ATP6V0E1: variants seen among roughly 807,000 people sequenced by gnomAD.
ATP6V0E1 encodes ATPase H+ transporting V0 subunit e1.
A neutral mutation model predicts 11.6 loss-of-function variants in ATP6V0E1; 4 were observed. The observed-to-expected ratio is 0.35, with a 90% CI of 0.17 to 0.79. The LOEUF is 0.79. Ranked by LOEUF, ATP6V0E1 falls within the 30% of genes least tolerant of loss-of-function variation. The pLI is 0.54. For missense variants in ATP6V0E1, 105 were observed against 100.0 expected, an observed-to-expected ratio of 1.05 and a Z score of -0.21; for synonymous variants, 36 against 34.8, an observed-to-expected ratio of 1.04 and a Z score of -0.13.
intron 1 of ATP6V0E1, among the ~76,000 whole-genome samples, chr5:172,990,833 TAAAAA>T (rs201409111): frequency 1.5e-5 from 2 of 137,358 alleles, no homozygotes; most frequent in South Asian, 2.3e-4. Context: ...TCTCAAAAAT[TAAAAA>T]AAAAAAAAAA....
At chr5:173,021,403 C>T (rs1371293926) in intron 3 of ATP6V0E1, among the ~76,000 whole-genome samples, 4 of 151,900 alleles carry the variant, frequency 2.6e-5, no homozygotes, top group Non-Finnish European at 5.9e-5. Context: ...TACATGGTAG[C>T]AGCAAGAGAG....
In ATP6V0E1 at chr5:173,034,482, C is replaced by T. The variant is rs1641031443; in HGVS notation, c.*120C>T. On this transcript the variant is annotated 3_prime_UTR_variant, in exon 4 of 4. Transcript: ENST00000519374. Reference sequence around the variant, plus strand: ...TTGACTTGCCTGTTTTGGCCATTAGCTGCCTTAAACGTTAACAGCACATTT... The same window carrying T: ...TTGACTTGCCTGTTTTGGCCATTAGTTGCCTTAAACGTTAACAGCACATTT... 2.8e-6 allele frequency: 2 copies of T among 702,380 alleles called. No homozygotes were observed. The highest frequency in any genetic ancestry group is 3.5e-5 in the African/African-American group (2 of 57,364). 43.5% of individuals were successfully genotyped at this position (702,380 alleles called of 1,614,324 possible). A position where few individuals can be genotyped will look rare whatever the true frequency, so the allele number is the denominator to read the frequency against.
At chr5:173,018,235 G>A (rs566287092) in intron 2 of ATP6V0E1, among the ~76,000 whole-genome samples, 2 of 152,154 alleles carry the variant, frequency 1.3e-5, no homozygotes, top group Non-Finnish European at 2.9e-5. Context: ...AATAAAGGAA[G>A]GTAGAGAAAA....
intron 3 of ATP6V0E1, among the ~76,000 whole-genome samples, chr5:173,027,822 G>GT (rs1307833389): frequency 6.6e-6 from 1 of 152,056 alleles, no homozygotes; most frequent in African/African-American, 2.4e-5. Flanking sequence ...TTCAACTGTA[G>GT]TGAGTGTTAG....
At chr5:173,004,608 C>T (rs557572965) in intron 2 of ATP6V0E1, among the ~76,000 whole-genome samples, 65 of 152,232 alleles carry the variant, frequency 4.3e-4, no homozygotes, top group Non-Finnish European at 8.2e-4. Flanking sequence ...GCGGAGCAGT[C>T]TGGGGATGGG....
chr5:173,008,869 C>T (rs1156988935), intron 2 of ATP6V0E1, among the ~76,000 whole-genome samples: 1 of 143,002 alleles, frequency 7.0e-6, no homozygotes, highest in African/African-American at 2.6e-5. Context: ...AGAGATTGGG[C>T]CACTGCACTC....
chr5:173,030,921 GTATTTATTTATTTATT>G (rs33921331), intron 3 of ATP6V0E1, among the ~76,000 whole-genome samples: 37 of 141,908 alleles, frequency 2.6e-4, no homozygotes, highest in African/African-American at 5.8e-4. Flanking sequence ...GCTAATTTTT[GTATTTATTTATTTATT>G]TATTTATTTA....
At chr5:172,985,687 A>G (rs982354645) in intron 1 of ATP6V0E1, among the ~76,000 whole-genome samples, 3 of 152,134 alleles carry the variant, frequency 2.0e-5, no homozygotes, top group Admixed American at 6.6e-5. Context: ...CTTAAAGACC[A>G]TTCTCTCCCC....
chr5:173,027,824 G>A (rs1453432906), intron 3 of ATP6V0E1, among the ~76,000 whole-genome samples: 2 of 152,080 alleles, frequency 1.3e-5, no homozygotes, highest in Non-Finnish European at 2.9e-5. Flanking sequence ...CAACTGTAGT[G>A]AGTGTTAGGT....
intron 2 of ATP6V0E1, among the ~76,000 whole-genome samples, chr5:173,014,481 A>C (rs1486618767): frequency 6.6e-6 from 1 of 152,226 alleles, no homozygotes; most frequent in East Asian, 1.9e-4. Flanking sequence ...GTGTCTGTCA[A>C]CAGATGAACG....
intron 2 of ATP6V0E1, among the ~76,000 whole-genome samples, chr5:173,010,300 T>C (rs986124460): frequency 6.6e-6 from 1 of 152,234 alleles, no homozygotes; most frequent in Non-Finnish European, 1.5e-5. Context: ...TATTTCATTC[T>C]GTGGCTTGAA....
intron 2 of ATP6V0E1, among the ~76,000 whole-genome samples, chr5:172,995,460 A>T (rs1756050981): frequency 6.6e-6 from 1 of 152,192 alleles, no homozygotes; most frequent in African/African-American, 2.4e-5. Flanking sequence ...TAATGGAGCT[A>T]ATAAAGCTAT....
intron 2 of ATP6V0E1, among the ~76,000 whole-genome samples, chr5:172,995,444 T>C (rs1756050516): frequency 1.3e-5 from 2 of 152,172 alleles, no homozygotes; most frequent in Admixed American, 6.5e-5. Context: ...TACTGAAATA[T>C]CTCACTAATG....
chr5:173,003,414 C>T (rs1307726915), intron 2 of ATP6V0E1, among the ~76,000 whole-genome samples: 1 of 152,106 alleles, frequency 6.6e-6, no homozygotes, highest in Non-Finnish European at 1.5e-5. Flanking sequence ...TGTCTGCTGA[C>T]ACTAAATAAG....
At chr5:173,027,284 G>A (rs1207477589) in intron 3 of ATP6V0E1, among the ~76,000 whole-genome samples, 1 of 144,060 alleles carries the variant, frequency 6.9e-6, no homozygotes, top group Non-Finnish European at 1.5e-5. Flanking sequence ...TCAGGAGATC[G>A]AGACCATCCT....
intron 2 of ATP6V0E1, among the ~76,000 whole-genome samples, chr5:172,998,837 A>G (rs1403911966): frequency 2.0e-5 from 3 of 151,930 alleles, no homozygotes; most frequent in Non-Finnish European, 4.4e-5. Flanking sequence ...CAGTGGTGGT[A>G]CCTTATAAAA....
intron 3 of ATP6V0E1, among the ~76,000 whole-genome samples, chr5:173,030,755 G>T (rs997187140): frequency 6.6e-6 from 1 of 151,282 alleles, no homozygotes; most frequent in Admixed American, 6.6e-5. Context: ...GTTTTTGTTT[G>T]TTTGTTTGTT....
intron 2 of ATP6V0E1, among the ~76,000 whole-genome samples, chr5:173,007,226 C>T (rs573762614): frequency 4.6e-5 from 7 of 152,260 alleles, no homozygotes; most frequent in East Asian, 1.9e-4. Flanking sequence ...CTGCCCATCT[C>T]GGCCTCCCAA....
At chr5:173,012,046 T>A (rs539855460) in intron 2 of ATP6V0E1, among the ~76,000 whole-genome samples, 1 of 151,646 alleles carries the variant, frequency 6.6e-6, no homozygotes, top group East Asian at 1.9e-4. Flanking sequence ...AAATTTTTTT[T>A]TTTTTTTTTG....
Sources: gnomAD v4.1 joint callset for allele counts (sites outside exome capture counted in the v4.1 genomes callset) on GRCh38, gnomAD v4.1.1 for gene constraint, MANE v1.5 for transcripts, NCBI Gene and HGNC (gene_info 2026-07-23, HGNC 2026-07-21) for gene names.